PPARGC1A: variants seen among roughly 807,000 people sequenced by gnomAD.
PPARGC1A encodes the protein PPARG coactivator 1 alpha.
In PPARGC1A, 25 loss-of-function variants were observed where a neutral mutation model predicts 88.7. That is an observed-to-expected ratio of 0.28 (90% CI 0.21 to 0.39). The LOEUF (loss-of-function observed/expected upper bound fraction) is 0.39, where lower values mean the gene tolerates loss of function less well. PPARGC1A is among the 10% of genes least tolerant of loss of function. The pLI is 1.00. For missense variants in PPARGC1A, 880 were observed against 968.7 expected (o/e 0.91, Z 1.22); for synonymous variants, 363 against 355.6 (o/e 1.02, Z -0.24).
the PPARGC1A span, among the ~76,000 whole-genome samples, chr4:24,015,862 G>T: frequency 2.0e-5 from 3 of 152,152 alleles, no homozygotes; most frequent in African/African-American, 4.8e-5. Flanking sequence ...ACTTCAAGAA[G>T]ACACCATATA....
At chr4:23,852,239 G>T (rs186389569) in intron 2 of PPARGC1A, among the ~76,000 whole-genome samples, 2 of 152,258 alleles carry the variant, frequency 1.3e-5, no homozygotes, top group African/African-American at 2.4e-5. Context: ...TTCATTTGGT[G>T]AGCATGGTTT....
the PPARGC1A span, among the ~76,000 whole-genome samples, chr4:24,300,297 A>G: frequency 8.6e-6 from 1 of 116,916 alleles, no homozygotes; most frequent in Non-Finnish European, 1.8e-5. Flanking sequence ...TCCTCCTTTA[A>G]GCAATGGTAT....
chr4:24,253,971 C>A, the PPARGC1A span, among the ~76,000 whole-genome samples: 141,964 of 152,272 alleles, frequency 0.93, 66,356 homozygotes, highest in East Asian at 1. Context: ...AGTTCCTGCT[C>A]AAATATCTTA....
the PPARGC1A span, among the ~76,000 whole-genome samples, chr4:24,050,532 C>G: frequency 2.0e-5 from 3 of 152,080 alleles, no homozygotes; most frequent in Non-Finnish European, 2.9e-5. Context: ...TAAAAACTTC[C>G]TGCCTTGGCT....
intron 1 of PPARGC1A, among the ~76,000 whole-genome samples, chr4:23,887,765 A>AG (rs1335418340): frequency 6.6e-6 from 1 of 152,062 alleles, no homozygotes; most frequent in East Asian, 1.9e-4. Context: ...AGAGAGAGAG[A>AG]AGAAGGAGTG....
the PPARGC1A span, among the ~76,000 whole-genome samples, chr4:23,916,788 T>G: frequency 6.6e-6 from 1 of 152,240 alleles, no homozygotes; most frequent in African/African-American, 2.4e-5. Flanking sequence ...CACCACCATT[T>G]AAAAAATAAA....
the PPARGC1A span, among the ~76,000 whole-genome samples, chr4:24,011,826 G>T: frequency 6.6e-6 from 1 of 152,044 alleles, no homozygotes; most frequent in Non-Finnish European, 1.5e-5. Context: ...GGTATTTATT[G>T]GTACAATACA....
At chr4:23,911,352 T>C in the PPARGC1A span, among the ~76,000 whole-genome samples, 10 of 152,104 alleles carry the variant, frequency 6.6e-5, no homozygotes, top group South Asian at 4.1e-4. Context: ...ATAAACAAAA[T>C]AGAATCTATC....
At chr4:24,077,635 GT>G in the PPARGC1A span, among the ~76,000 whole-genome samples, 6 of 135,246 alleles carry the variant, frequency 4.4e-5, no homozygotes, top group Non-Finnish European at 7.8e-5. Flanking sequence ...GTGTGTGTGT[GT>G]GTGTGTGTGT....
chr4:24,440,365 G>A, the PPARGC1A span, among the ~76,000 whole-genome samples: 4 of 152,300 alleles, frequency 2.6e-5, no homozygotes, highest in African/African-American at 9.6e-5. Context: ...TCCCATGGAA[G>A]GGAAGAGCAA....
chr4:24,469,303 A>C, the PPARGC1A span, among the ~76,000 whole-genome samples: 1 of 152,186 alleles, frequency 6.6e-6, no homozygotes, highest in Admixed American at 6.5e-5. Context: ...AATGCTGAAA[A>C]TGCAAACTGG....
At chr4:24,299,010 C>T in the PPARGC1A span, among the ~76,000 whole-genome samples, 1 of 152,270 alleles carries the variant, frequency 6.6e-6, no homozygotes, top group Non-Finnish European at 1.5e-5. Flanking sequence ...CACTGGTGGA[C>T]TGAGTGGTAA....
chr4:23,957,417 G>A, the PPARGC1A span, among the ~76,000 whole-genome samples: 3 of 152,070 alleles, frequency 2.0e-5, no homozygotes, highest in Non-Finnish European at 4.4e-5. Context: ...GGGTATTCAA[G>A]AAATATGATA....
At chr4:23,801,210 CACAT>C (rs1490339319) in intron 12 of PPARGC1A, among the ~76,000 whole-genome samples, 1 of 151,308 alleles carries the variant, frequency 6.6e-6, no homozygotes, top group Non-Finnish European at 1.5e-5. Flanking sequence ...CACACACACA[CACAT>C]GAATCATAAA....
At chr4:24,213,847 A>T in the PPARGC1A span, among the ~76,000 whole-genome samples, 2 of 152,232 alleles carry the variant, frequency 1.3e-5, no homozygotes, top group Non-Finnish European at 2.9e-5. Context: ...AATTGAAATT[A>T]TATGTTTGTA....
At chr4:24,221,322 C>G in the PPARGC1A span, among the ~76,000 whole-genome samples, 2 of 152,074 alleles carry the variant, frequency 1.3e-5, no homozygotes, top group African/African-American at 4.8e-5. Context: ...TAAGCATTAA[C>G]TTGTTCATTT....
At chr4:23,932,282 A>ATTGGTTCCTCGC in the PPARGC1A span, among the ~76,000 whole-genome samples, 1 of 151,090 alleles carries the variant, frequency 6.6e-6, no homozygotes, top group Admixed American at 6.6e-5. Context: ...AGTGGGACTA[A>ATTGGTTCCTCGC]TTAGTTCCTC....
the PPARGC1A span, among the ~76,000 whole-genome samples, chr4:24,343,700 A>T: frequency 2.1e-3 from 322 of 152,256 alleles, 5 homozygotes; most frequent in African/African-American, 7.1e-3. Flanking sequence ...TATGCAAATG[A>T]TTAGGGCTGA....
the PPARGC1A span, among the ~76,000 whole-genome samples, chr4:24,224,734 C>T: frequency 5.3e-5 from 8 of 152,014 alleles, no homozygotes; most frequent in Admixed American, 5.2e-4. Flanking sequence ...ATAAAGAAAA[C>T]AAACAAAACA....
Sources: allele counts gnomAD v4.1 joint callset (sites outside exome capture counted in the v4.1 genomes callset), GRCh38; gene constraint gnomAD v4.1.1; transcripts MANE v1.5; gene names NCBI Gene and HGNC (gene_info 2026-07-23, HGNC 2026-07-21).